Variants in ACYP2 observed in about 807,000 individuals in gnomAD.
ACYP2 encodes the protein acylphosphatase-2.
A neutral mutation model predicts 11.2 loss-of-function variants in ACYP2; 12 were observed. The ratio of observed to expected loss-of-function variants is 1.08; its 90% CI spans 0.69 to 1.74. The LOEUF is 1.74. ACYP2 is among the 40% of genes most tolerant of loss of function. ACYP2 has a pLI of 0.00. For missense variants in ACYP2, 134 were observed against 101.9 expected (o/e 1.31, Z -1.35); for synonymous variants, 43 against 32.2 (o/e 1.33, Z -1.13).
chr2:54,161,558 TA>T (rs1297205840), intron 6 of ACYP2, among the ~76,000 whole-genome samples: 3 of 152,228 alleles, frequency 2.0e-5, no homozygotes, highest in Admixed American at 1.3e-4. Flanking sequence ...TAAATTATAT[TA>T]AAAACTTTTG....
rs1224497523 is a variant in ACYP2, at chr2:53,995,487, T to TA, written c.62+21677_62+21678insA. On this transcript the variant is annotated intron_variant, in intron 2 of 6. Coordinates refer to ENST00000607452, the MANE Select transcript of ACYP2 (RefSeq NM_001320586.2). ...TATTATTTTTTATTTATTTATTTATTTTTTATTTATTTATTTATTTATTTA... is the reference window on the plus strand; with the variant it reads ...TATTATTTTTTATTTATTTATTTATTATTTTATTTATTTATTTATTTATTTA... Among the ~76,000 whole-genome samples, 476 of 129,044 alleles carry TA rather than the reference T, an allele frequency of 3.7e-3. 1 individual carries two copies. Among genetic ancestry groups the TA allele is most frequent in the East Asian group, 0.026 (116 of 4,462 alleles). 84.7% of individuals were successfully genotyped at this position (129,044 alleles called of 152,430 possible).
chr2:54,140,469 C>G (rs934868314), intron 6 of ACYP2, among the ~76,000 whole-genome samples: 1 of 151,856 alleles, frequency 6.6e-6, no homozygotes, highest in African/African-American at 2.4e-5. Context: ...TCTTAAGTAA[C>G]CTGTGTTAGC....
chr2:54,246,352 T>C (rs1245708320), intron 6 of ACYP2, among the ~76,000 whole-genome samples: 1 of 152,198 alleles, frequency 6.6e-6, no homozygotes. Context: ...CTTTATGAGG[T>C]TGAGTCTTCC....
intron 6 of ACYP2, among the ~76,000 whole-genome samples, chr2:54,182,235 T>A (rs2103870968): frequency 6.6e-6 from 1 of 151,894 alleles, no homozygotes; most frequent in Non-Finnish European, 1.5e-5. Context: ...AATTTTTGTA[T>A]TTTTAGTAGA....
chr2:54,258,137 TA>T (rs1165806611), intron 6 of ACYP2, among the ~76,000 whole-genome samples: 1 of 152,084 alleles, frequency 6.6e-6, no homozygotes, highest in African/African-American at 2.4e-5. Flanking sequence ...GGGAGAAAGA[TA>T]ATAACAAGAA....
intron 2 of ACYP2, among the ~76,000 whole-genome samples, chr2:53,991,754 C>A (rs186025402): frequency 6.6e-6 from 1 of 152,048 alleles, no homozygotes; most frequent in Admixed American, 6.6e-5. Context: ...GCTCCAGGCA[C>A]TCCGACCTTC....
chr2:54,043,947 C>T (rs1381909533), intron 2 of ACYP2, among the ~76,000 whole-genome samples: 1 of 152,040 alleles, frequency 6.6e-6, no homozygotes, highest in Non-Finnish European at 1.5e-5. Flanking sequence ...AAAAGGGAAT[C>T]ACAGTAAAAA....
At chr2:54,144,126 T>G (rs528556320) in intron 6 of ACYP2, among the ~76,000 whole-genome samples, 1 of 152,040 alleles carries the variant, frequency 6.6e-6, no homozygotes, top group Non-Finnish European at 1.5e-5. Context: ...TGCACCACCA[T>G]GTCCAACTAA....
rs565262460 is a variant in ACYP2 at position 54,257,274 on chromosome 2, A to G, written c.405-47414A>G. Among the ~76,000 whole-genome samples the G allele has an allele frequency of 2.7e-3, 405 of 152,352 alleles. 1 individual carries two copies. Among genetic ancestry groups the G allele is most frequent in the Non-Finnish European group, 4.7e-3 (318 of 68,036 alleles). On this transcript the variant is annotated intron_variant, in intron 6 of 6. Coordinates refer to ENST00000607452, the MANE Select transcript of ACYP2 (RefSeq NM_001320586.2). Reference sequence around the variant, plus strand: ...AAGATTGTTCAAATTTATATATGCCATCCATCTGGAATTGATTTTTATGAG... The same window carrying G: ...AAGATTGTTCAAATTTATATATGCCGTCCATCTGGAATTGATTTTTATGAG...
At chr2:54,102,471 C>G (rs866435634) in intron 4 of ACYP2, among the ~76,000 whole-genome samples, 12 of 151,842 alleles carry the variant, frequency 7.9e-5, no homozygotes, top group African/African-American at 2.7e-4. Flanking sequence ...ATTGCAGACA[C>G]TTTTTTCTAA....
chr2:54,029,311 G>C (rs1674456909), intron 2 of ACYP2, among the ~76,000 whole-genome samples: 1 of 152,110 alleles, frequency 6.6e-6, no homozygotes, highest in African/African-American at 2.4e-5. Context: ...CATACTACCA[G>C]CATAACCTCT....
intron 6 of ACYP2, among the ~76,000 whole-genome samples, chr2:54,198,953 A>G (rs2103903040): frequency 6.6e-6 from 1 of 152,306 alleles, no homozygotes; most frequent in African/African-American, 2.4e-5. Flanking sequence ...ATGGGCAAGG[A>G]AAAGGAGCTC....
intron 6 of ACYP2, among the ~76,000 whole-genome samples, chr2:54,159,820 C>T (rs1224875631): frequency 6.6e-6 from 1 of 152,158 alleles, no homozygotes; most frequent in Non-Finnish European, 1.5e-5. Flanking sequence ...ATCTCGCAGG[C>T]TTTTCTGTCC....
intron 4 of ACYP2, 44 bp from the exon 2 acceptor site, chr2:54,135,409 A>G: frequency 6.3e-7 from 1 of 1,591,466 alleles, no homozygotes; most frequent in Non-Finnish European, 8.6e-7. Context: ...TAACCTTTTA[A>G]AGGAGGACAA....
In ACYP2 at chr2:54,146,799, CT is replaced by C. The variant is rs112108365; in HGVS notation, c.404+8064del. On this transcript the variant is annotated intron_variant, in intron 6 of 6. Coordinates refer to ENST00000607452, the MANE Select transcript of ACYP2 (RefSeq NM_001320586.2). ...TATTCTTCTGATTTTTGCATTGTCT[CT>C]TTTTTTTTTTTTGAGACAGAGTCTT... 5.0e-3 allele frequency among the ~76,000 whole-genome samples: 712 copies of C among 143,556 alleles called. 4 individuals are homozygous for C. The East Asian group carries it at 0.065, about 13-fold the overall frequency. The allele number at this position is 143,556 out of a possible 152,430, so 94.2% of individuals were successfully genotyped here.
At chr2:54,008,513 C>T (rs1673191187) in intron 2 of ACYP2, among the ~76,000 whole-genome samples, 1 of 152,158 alleles carries the variant, frequency 6.6e-6, no homozygotes, top group Non-Finnish European at 1.5e-5. Context: ...ATTTACCAAT[C>T]AAGTGAATCA....
At chr2:54,276,150 G>T (rs1688553417) in intron 6 of ACYP2, among the ~76,000 whole-genome samples, 1 of 151,544 alleles carries the variant, frequency 6.6e-6, no homozygotes, top group Non-Finnish European at 1.5e-5. Context: ...CCTTTACCTT[G>T]AGTTTTTATC....
chr2:54,068,936 T>C (rs984083976), intron 4 of ACYP2, among the ~76,000 whole-genome samples: 1 of 152,224 alleles, frequency 6.6e-6, no homozygotes, highest in Middle Eastern at 3.4e-3. Flanking sequence ...TTTATTTAAC[T>C]TTATTTTTAA....
chr2:54,081,090 C>A (rs1339443969), intron 4 of ACYP2, among the ~76,000 whole-genome samples: 2 of 152,120 alleles, frequency 1.3e-5, no homozygotes, highest in East Asian at 3.9e-4. Flanking sequence ...TCTTTGAGTT[C>A]ATCGTATTTT....
Sources: allele counts gnomAD v4.1 joint callset (sites outside exome capture counted in the v4.1 genomes callset), GRCh38; gene constraint gnomAD v4.1.1; transcripts MANE v1.5; gene names NCBI Gene and HGNC (gene_info 2026-07-23, HGNC 2026-07-21).